Variants in LARP4B observed in about 807,000 individuals in gnomAD.
LARP4B encodes la-related protein 4B.
Under a neutral mutation model 89.8 loss-of-function variants are expected in LARP4B, and 12 were observed. That is an observed-to-expected ratio of 0.13 (90% confidence interval 0.09 to 0.22). The LOEUF (loss-of-function observed/expected upper bound fraction) is 0.22, where lower values mean the gene tolerates loss of function less well. Ranked by LOEUF, LARP4B falls within the 10% of genes least tolerant of loss-of-function variation. The pLI is 1.00. For missense variants in LARP4B, 757 were observed against 947.7 expected (o/e 0.80, Z 2.64); for synonymous variants, 367 against 363.3 (o/e 1.01, Z -0.12).
At chr10:842,866 G>T in intron 7 of LARP4B, 66 bp downstream of exon 7, 1 of 1,462,848 alleles carries the variant, frequency 6.8e-7, no homozygotes, top group Non-Finnish European at 9.5e-7. Flanking sequence ...TAGATTTAAA[G>T]GTTCATGCTG....
chr10:962,897 A>G, the LARP4B span, among the ~76,000 whole-genome samples: 50 of 151,980 alleles, frequency 3.3e-4, 1 homozygote, highest in Admixed American at 1.9e-3. Flanking sequence ...AGAGGAGACC[A>G]CCTGAACTCC....
At chr10:976,860 T>C in the LARP4B span, among the ~76,000 whole-genome samples, 1 of 151,222 alleles carries the variant, frequency 6.6e-6, no homozygotes, top group Non-Finnish European at 1.5e-5. Context: ...CCCGGCCTAG[T>C]AGAAGGTAGG....
chr10:887,449 C>T (rs868623765), intron 1 of LARP4B, among the ~76,000 whole-genome samples: 16 of 151,552 alleles, frequency 1.1e-4, no homozygotes, highest in Middle Eastern at 3.4e-3. Flanking sequence ...GTGGCTCATA[C>T]CTATAAATCC....
At chr10:908,510 C>A (rs920380820) in intron 1 of LARP4B, among the ~76,000 whole-genome samples, 2 of 152,026 alleles carry the variant, frequency 1.3e-5, no homozygotes, top group African/African-American at 2.4e-5. Context: ...TCAGAAGGGG[C>A]AGTCTTGTAG....
At chr10:871,283 G>A (rs1234827890) in intron 3 of LARP4B, among the ~76,000 whole-genome samples, 2 of 152,178 alleles carry the variant, frequency 1.3e-5, no homozygotes, top group Non-Finnish European at 2.9e-5. Context: ...GAAAATAAAT[G>A]CGGAGGAAAC....
In LARP4B at chr10:815,029, C is replaced by A; in HGVS notation, c.1737G>T (p.Val579=). 2 of 1,607,450 alleles carry A rather than the reference C, an allele frequency of 1.2e-6. No individual in the cohort carries two copies. The highest frequency in any genetic ancestry group is 1.7e-6 in the Non-Finnish European group (2 of 1,176,004). Residue 579 remains valine, a synonymous_variant, in exon 16 of 18, where the codon GTG becomes GTT. Transcript: ENST00000316157. ...CCGGCACCGAGGGCTCTCTGGAGACCACTACAGGAAGGGTGTTCACGCTTG... is the reference window on the plus strand; with the variant it reads ...CCGGCACCGAGGGCTCTCTGGAGACAACTACAGGAAGGGTGTTCACGCTTG... The part of the protein sequence containing the change: ...ADASVNTLPV[V]VSREPSVPAS...
Position 863,862 on chromosome 10 carries a change from C to T in LARP4B, c.311G>A (p.Gly104Asp). 1 of 1,613,234 alleles carries T rather than the reference C, an allele frequency of 6.2e-7. No homozygotes were observed. The highest frequency in any genetic ancestry group is 8.5e-7 in the Non-Finnish European group (1 of 1,179,824). The change falls in exon 5 of 18, where the codon GGT (glycine) becomes GAT (aspartate). Residue 104 changes from glycine (G) to aspartate (D), a missense_variant. By Grantham distance (94) the Gly-to-Asp change is moderately conservative. Coordinates refer to ENST00000316157, the MANE Select transcript of LARP4B (RefSeq NM_015155.3). ...TGCGGCATTCTCATGGCCCTGGTCA[C>T]CATCACCATTGGCATCCGATCCTAC... The part of the protein sequence containing the change: ...GPQGSDANGD[G>D]DQGHENAALP...
the LARP4B span, among the ~76,000 whole-genome samples, chr10:970,441 G>C: frequency 1.3e-5 from 2 of 152,036 alleles, no homozygotes; most frequent in African/African-American, 2.4e-5. Context: ...CCCAAATCTG[G>C]GGTTCTGTCA....
intron 11 of LARP4B, among the ~76,000 whole-genome samples, chr10:828,782 T>C (rs925969893): frequency 1.3e-5 from 2 of 152,226 alleles, no homozygotes; most frequent in Non-Finnish European, 2.9e-5. Flanking sequence ...CATCCGTGTA[T>C]TGCTGACTCT....
At chr10:959,399 CCA>C in the LARP4B span, among the ~76,000 whole-genome samples, 1 of 102,032 alleles carries the variant, frequency 9.8e-6, no homozygotes, top group Admixed American at 9.8e-5. Context: ...CCTCATCAAT[CCA>C]CCTCCCCATC....
the LARP4B span, chr10:972,155 G>C: frequency 0.13 from 30,419 of 243,058 alleles, 2,561 homozygotes; most frequent in Non-Finnish European, 0.18. Flanking sequence ...AGCCTCCTGA[G>C]TAGCTAGGAC....
In LARP4B at chr10:891,085, T is replaced by C. The variant is rs139033104; in HGVS notation, c.-39-5325A>G. Among the ~76,000 whole-genome samples, 38 of 152,136 alleles carry C rather than the reference T, an allele frequency of 2.5e-4. No individual in the cohort carries two copies. In the East Asian group the frequency reaches 3.9e-3, roughly 15 times the overall value. On this transcript the variant is annotated intron_variant, in intron 1 of 17. Coordinates refer to ENST00000316157, the MANE Select transcript of LARP4B (RefSeq NM_015155.3). Reference sequence around the variant, plus strand: ...TTAATACCTGTATTTTTTTAGACAATTGGAATTTATATACCTCCTGACGGA... The same window carrying C: ...TTAATACCTGTATTTTTTTAGACAACTGGAATTTATATACCTCCTGACGGA...
chr10:856,323 T>C (rs569996028), intron 5 of LARP4B, among the ~76,000 whole-genome samples: 4 of 152,158 alleles, frequency 2.6e-5, no homozygotes, highest in African/African-American at 9.6e-5. Flanking sequence ...CAACACCAAA[T>C]AAGATATATG....
At chr10:856,479 C>T (rs1224126483) in intron 5 of LARP4B, among the ~76,000 whole-genome samples, 1 of 152,164 alleles carries the variant, frequency 6.6e-6, no homozygotes, top group Admixed American at 6.5e-5. Flanking sequence ...ACAACTGCTG[C>T]CAAATTGGAC....
At chr10:975,561 A>C in the LARP4B span, among the ~76,000 whole-genome samples, 2 of 152,364 alleles carry the variant, frequency 1.3e-5, no homozygotes, top group South Asian at 4.1e-4. Context: ...AGCGACTTTC[A>C]AGGGAGCTCC....
At chr10:892,190 A>G (rs369091774) in intron 1 of LARP4B, among the ~76,000 whole-genome samples, 9 of 152,358 alleles carry the variant, frequency 5.9e-5, no homozygotes, top group African/African-American at 2.2e-4. Flanking sequence ...TGAATTGGAC[A>G]GGAGGATTTT....
chr10:829,317 G>T, intron 11 of LARP4B, 68 bp downstream of exon 11: 1 of 1,330,636 alleles, frequency 7.5e-7, no homozygotes, highest in Non-Finnish European at 1.0e-6. Flanking sequence ...ATTAGATGAG[G>T]ATTTTAATCC....
At chr10:864,458 A>G (rs991557031) in intron 3 of LARP4B, among the ~76,000 whole-genome samples, 188 bp from the exon 4 acceptor site, 1 of 151,986 alleles carries the variant, frequency 6.6e-6, no homozygotes, top group African/African-American at 2.4e-5. Flanking sequence ...ATTCCATTAA[A>G]TTCCCCCCAA....
At chr10:932,287 C>T (rs1380377852), upstream of LARP4B, among the ~76,000 whole-genome samples, 1 of 148,568 alleles carries the variant, frequency 6.7e-6, no homozygotes, top group East Asian at 2.0e-4. Context: ...GGATCAAGGT[C>T]CCGGCCCTGC....
Sources: gnomAD v4.1 joint callset for allele counts (sites outside exome capture counted in the v4.1 genomes callset) on GRCh38, gnomAD v4.1.1 for gene constraint, MANE v1.5 for transcripts, NCBI Gene and HGNC (gene_info 2026-07-23, HGNC 2026-07-21) for gene names.